OPCML: variants seen among roughly 807,000 people sequenced by gnomAD.
OPCML encodes opioid binding protein/cell adhesion molecule like.
Under a neutral mutation model 37.8 loss-of-function variants are expected in OPCML, and 13 were observed. The ratio of observed to expected loss-of-function variants is 0.34; its 90% CI spans 0.22 to 0.55. The LOEUF (loss-of-function observed/expected upper bound fraction) is 0.55, where lower values mean the gene tolerates loss of function less well. Ranked by LOEUF, OPCML falls within the 20% of genes least tolerant of loss-of-function variation. OPCML has a pLI of 0.91. For synonymous variants in OPCML, 176 were observed against 168.8 expected (o/e 1.04, Z -0.33); for missense variants, 341 against 435.6 (o/e 0.78, Z 1.93).
At chr11:133,335,759 G>C (rs1422116274) in intron 1 of OPCML, among the ~76,000 whole-genome samples, 1 of 152,134 alleles carries the variant, frequency 6.6e-6, no homozygotes, top group East Asian at 1.9e-4. Context: ...TGACCCAGCT[G>C]TATGGATTAA....
chr11:133,004,141 C>A, intron 1 of OPCML: 1 of 985,388 alleles, frequency 1.0e-6, no homozygotes, highest in South Asian at 4.7e-5. Context: ...AAAGCGGGAG[C>A]AGGCAGCCCA....
At chr11:132,420,497 G>T (rs1201627826) in intron 7 of OPCML, 19 of 564,224 alleles carry the variant, frequency 3.4e-5, no homozygotes, top group Non-Finnish European at 4.3e-5. Context: ...AATGCAGCCT[G>T]CTCTGAAAGA....
chr11:133,310,554 T>A (rs1320188888), intron 1 of OPCML, among the ~76,000 whole-genome samples: 3 of 152,202 alleles, frequency 2.0e-5, no homozygotes, highest in Non-Finnish European at 4.4e-5. Flanking sequence ...ACAGTCTTAT[T>A]TTCTTTTTAA....
chr11:133,376,317 C>T (rs1944802980), intron 1 of OPCML, among the ~76,000 whole-genome samples: 1 of 151,990 alleles, frequency 6.6e-6, no homozygotes, highest in Non-Finnish European at 1.5e-5. Flanking sequence ...CATGAATTTA[C>T]ACAAACATGA....
chr11:132,582,379 A>T (rs1315636931), intron 3 of OPCML, among the ~76,000 whole-genome samples: 1 of 152,186 alleles, frequency 6.6e-6, no homozygotes, highest in African/African-American at 2.4e-5. Flanking sequence ...ATCAAGAAAT[A>T]GAATAGACAC....
At chr11:133,249,743 G>A (rs998678376) in intron 1 of OPCML, among the ~76,000 whole-genome samples, 1 of 152,240 alleles carries the variant, frequency 6.6e-6, no homozygotes, top group Non-Finnish European at 1.5e-5. Flanking sequence ...AGACAGCTCA[G>A]TAGCAATTCC....
chr11:132,742,853 ATAAT>A (rs1945480575), intron 2 of OPCML, among the ~76,000 whole-genome samples: 1 of 151,348 alleles, frequency 6.6e-6, no homozygotes, highest in East Asian at 1.9e-4. Context: ...TACATATATA[ATAAT>A]TCCTTCAAAA....
chr11:132,420,145 C>G lies in OPCML; in HGVS notation c.*48G>C, dbSNP rs768518933. 1 of 1,542,900 alleles carries G rather than the reference C, an allele frequency of 6.5e-7. No individual in the cohort carries two copies. Among genetic ancestry groups the G allele is most frequent in the Admixed American group, 1.7e-5 (1 of 59,238 alleles). ...TGCTCTCCGCAGTGTAGATTAAAGT[C>G]TGTGATATGGAGAAGCAGGCGTTGC... On this transcript the variant is annotated 3_prime_UTR_variant, in exon 8 of 8. Coordinates refer to ENST00000524381, the MANE Select transcript of OPCML (RefSeq NM_001012393.5).
At chr11:133,156,474 C>T (rs894083954) in intron 1 of OPCML, among the ~76,000 whole-genome samples, 1 of 152,222 alleles carries the variant, frequency 6.6e-6, no homozygotes, top group East Asian at 1.9e-4. Context: ...AGAGACCAGC[C>T]AGCTGAGCAC....
At chr11:132,657,064 C>G (rs1941742840) in intron 3 of OPCML, 23 bp downstream of exon 3, 1 of 1,609,356 alleles carries the variant, frequency 6.2e-7, no homozygotes, top group Non-Finnish European at 8.5e-7. Context: ...GGAATGGCAA[C>G]CCCAGATCCA....
chr11:132,602,187 A>G (rs934849232), intron 3 of OPCML, among the ~76,000 whole-genome samples: 4 of 152,134 alleles, frequency 2.6e-5, no homozygotes, highest in African/African-American at 4.8e-5. Context: ...AGGCACAAAG[A>G]TCTCACAATG....
chr11:133,276,435 G>C (rs1208835714), intron 1 of OPCML, among the ~76,000 whole-genome samples: 2 of 152,148 alleles, frequency 1.3e-5, no homozygotes, highest in Non-Finnish European at 2.9e-5. Context: ...GAAGGATAGA[G>C]GGTGAGGTTT....
chr11:132,657,809 T>C (rs1000265898), intron 2 of OPCML, among the ~76,000 whole-genome samples: 2 of 152,214 alleles, frequency 1.3e-5, no homozygotes, highest in African/African-American at 2.4e-5. Context: ...CTTATACCCC[T>C]AAGCAGCCGA....
At chr11:133,220,567 A>T (rs1939772812) in intron 1 of OPCML, among the ~76,000 whole-genome samples, 1 of 152,166 alleles carries the variant, frequency 6.6e-6, no homozygotes, top group Admixed American at 6.5e-5. Flanking sequence ...ACCTGAAGCC[A>T]GCACATGCTT....
At chr11:132,953,491 A>G (rs1204453637) in intron 1 of OPCML, among the ~76,000 whole-genome samples, 1 of 152,206 alleles carries the variant, frequency 6.6e-6, no homozygotes, top group Non-Finnish European at 1.5e-5. Flanking sequence ...CGCAAGCCAT[A>G]CGATAAAATC....
chr11:132,451,096 A>G (rs2096067390), intron 4 of OPCML, among the ~76,000 whole-genome samples: 1 of 152,212 alleles, frequency 6.6e-6, no homozygotes, highest in Admixed American at 6.5e-5. Flanking sequence ...AAGAGGCTTG[A>G]GCTTAGCAAA....
chr11:132,476,971 C>A (rs895933541), intron 4 of OPCML, among the ~76,000 whole-genome samples: 1 of 152,146 alleles, frequency 6.6e-6, no homozygotes, highest in Admixed American at 6.6e-5. Flanking sequence ...TCCTTTTAAT[C>A]TGAGTATCCA....
chr11:132,794,901 A>T (rs1591621081), intron 2 of OPCML, among the ~76,000 whole-genome samples: 1 of 30,038 alleles, frequency 3.3e-5, no homozygotes, highest in Non-Finnish European at 6.5e-5. Flanking sequence ...ATCATGAGTA[A>T]AAAAAAAAAA....
chr11:133,294,471 G>T (rs907559456), intron 1 of OPCML, among the ~76,000 whole-genome samples: 1 of 152,096 alleles, frequency 6.6e-6, no homozygotes, highest in East Asian at 1.9e-4. Context: ...AATGCATAGG[G>T]TTAAAGGTCT....
Sources: gnomAD v4.1 joint callset for allele counts (sites outside exome capture counted in the v4.1 genomes callset) on GRCh38, gnomAD v4.1.1 for gene constraint, MANE v1.5 for transcripts, NCBI Gene and HGNC (gene_info 2026-07-23, HGNC 2026-07-21) for gene names.